Variants in HMCN1 observed in about 807,000 individuals in gnomAD.
The protein encoded by HMCN1 is hemicentin-1.
In HMCN1, 321 loss-of-function variants were observed where a neutral mutation model predicts 625.9. The observed-to-expected ratio is 0.51, with a 90% CI of 0.47 to 0.56. The LOEUF (loss-of-function observed/expected upper bound fraction) is 0.56, where lower values mean the gene tolerates loss of function less well. Among genes scored for constraint, HMCN1 ranks in the 20% least tolerant of loss-of-function variants. HMCN1 has a pLI of 0.00. For missense variants in HMCN1, 6,588 were observed against 6,887.3 expected (o/e 0.96, Z 1.54); for synonymous variants, 2,425 against 2,417.6 (o/e 1.00, Z -0.09).
intron 5 of HMCN1, among the ~76,000 whole-genome samples, chr1:185,910,698 G>A (rs149798382): frequency 0.02 from 3,101 of 151,738 alleles, 48 homozygotes; most frequent in Non-Finnish European, 0.029. Context: ...AGCCTCCTGA[G>A]TAGCAGGGAT....
At chr1:185,802,076 A>T (rs1658833540) in intron 1 of HMCN1, among the ~76,000 whole-genome samples, 1 of 152,088 alleles carries the variant, frequency 6.6e-6, no homozygotes, top group East Asian at 1.9e-4. Context: ...GGTTGAGGAG[A>T]TGAGAAAAAG....
chr1:186,055,626 G>A lies in HMCN1; in HGVS notation c.7096G>A (p.Val2366Met), dbSNP rs1657264297. 6.2e-7 allele frequency: 1 copy of A among 1,612,732 alleles called. No homozygotes were observed. Among genetic ancestry groups the A allele is most frequent in the South Asian group, 1.1e-5 (1 of 91,062 alleles). Reference protein sequence around the residue: ...SDTGRYVCVAVNVAGMTDKKY... With the variant: ...SDTGRYVCVAMNVAGMTDKKY... ...CACAGGCCGTTATGTGTGTGTTGCT[G>A]TGAATGTAGCAGGAATGACTGACAA... Residue 2366 changes from valine to methionine, a missense_variant, in exon 45 of 107, where the codon GTG becomes ATG. By Grantham distance (21) the Val-to-Met change is conservative. Coordinates refer to ENST00000271588, the MANE Select transcript of HMCN1 (RefSeq NM_031935.3).
chr1:185,934,195 A>C (rs1435606192), intron 11 of HMCN1, among the ~76,000 whole-genome samples: 1 of 152,176 alleles, frequency 6.6e-6, no homozygotes, highest in African/African-American at 2.4e-5. Flanking sequence ...CAATTTAAGT[A>C]CTGTATTTTT....
rs1472161616 is a variant in HMCN1 at position 186,090,908 on chromosome 1, A to G, written c.9878A>G (p.Glu3293Gly). Reference protein sequence around the residue: ...DGKPIASGETERIRVSANGST... With the variant: ...DGKPIASGETGRIRVSANGST... ...AAGCCCATAGCTAGTGGTGAAACAG[A>G]AAGAATCCGGTATGTTTAAAAATAA... The change falls in exon 64 of 107, where the codon GAA (glutamate) becomes GGA (glycine). Residue 3293 changes from glutamate (E) to glycine (G), a missense_variant. Transcript: ENST00000271588. The G allele has an allele frequency of 5.6e-6, 9 of 1,612,040 alleles. No individual in the cohort carries two copies. Among genetic ancestry groups the G allele is most frequent in the Middle Eastern group, 1.7e-4 (1 of 6,046 alleles).
chr1:186,117,607 T>C lies in HMCN1; in HGVS notation c.11832T>C (p.Tyr3944=). 6.2e-7 allele frequency: 1 copy of C among 1,613,800 alleles called. No individual in the cohort carries two copies. Among genetic ancestry groups the C allele is most frequent in the Non-Finnish European group, 8.5e-7 (1 of 1,179,736 alleles). Residue 3944 remains tyrosine, a synonymous_variant, in exon 77 of 107, where the codon TAT becomes TAC. Transcript: ENST00000271588. ...GACTGCTTCCCAGGGGAGATGGCTA[T>C]AGAATTCTGTCCTCAGGTAAGACCA... is the stretch of plus-strand genomic sequence containing the variant. ...GIRLLPRGDG[Y]RILSSGAIEI...
chr1:185,908,832 T>C (rs937188656), intron 4 of HMCN1, among the ~76,000 whole-genome samples: 4 of 148,552 alleles, frequency 2.7e-5, no homozygotes, highest in Non-Finnish European at 4.5e-5. Context: ...TATTATAATA[T>C]ACTATATATA....
At chr1:185,782,029 C>G (rs903517032) in intron 1 of HMCN1, among the ~76,000 whole-genome samples, 22 of 152,140 alleles carry the variant, frequency 1.4e-4, no homozygotes, top group African/African-American at 5.3e-4. Context: ...TCTGGGTGCT[C>G]ATGTATTGGG....
At chr1:185,858,094 A>G (rs1662585131) in intron 2 of HMCN1, among the ~76,000 whole-genome samples, 1 of 152,162 alleles carries the variant, frequency 6.6e-6, no homozygotes, top group Non-Finnish European at 1.5e-5. Context: ...TGACCCTGAG[A>G]AAGGATTTTC....
At chr1:185,856,579 A>T (rs1191133510) in intron 2 of HMCN1, among the ~76,000 whole-genome samples, 1 of 152,078 alleles carries the variant, frequency 6.6e-6, no homozygotes, top group Admixed American at 6.5e-5. Context: ...TTACACAAAT[A>T]AGACATTTCA....
chr1:186,112,396 T>C (rs1660931081), intron 71 of HMCN1, among the ~76,000 whole-genome samples: 1 of 152,232 alleles, frequency 6.6e-6, no homozygotes, highest in Non-Finnish European at 1.5e-5. Context: ...CTGAATGAAC[T>C]CTATTTGCAT....
chr1:186,159,859 C>G (rs551173482), intron 97 of HMCN1, among the ~76,000 whole-genome samples: 42 of 152,314 alleles, frequency 2.8e-4, no homozygotes, highest in African/African-American at 9.9e-4. Context: ...CAATGTTCAT[C>G]AAGGATATTG....
chr1:185,982,216 T>C (rs532864790), intron 17 of HMCN1, 46 bp from the exon 18 acceptor site: 2 of 1,608,424 alleles, frequency 1.2e-6, no homozygotes, highest in African/African-American at 1.3e-5. Context: ...TACCTTTCTT[T>C]TGGGTGAAAT....
intron 11 of HMCN1, among the ~76,000 whole-genome samples, chr1:185,952,713 A>G (rs58610258): frequency 0.12 from 18,862 of 151,548 alleles, 3,480 homozygotes; most frequent in African/African-American, 0.39. Context: ...GAGTTGAAGA[A>G]GTTTTAAGTT....
intron 68 of HMCN1, among the ~76,000 whole-genome samples, chr1:186,096,181 C>T (rs971519330): frequency 1.3e-5 from 2 of 152,098 alleles, no homozygotes; most frequent in Admixed American, 1.3e-4. Context: ...AGAAAATACA[C>T]CCTATAGAGA....
intron 97 of HMCN1, among the ~76,000 whole-genome samples, chr1:186,158,335 T>C (rs1029645736): frequency 2.6e-5 from 4 of 151,654 alleles, no homozygotes; most frequent in African/African-American, 7.3e-5. Flanking sequence ...TTCTGGATAT[T>C]AGCCCATTGT....
At chr1:186,010,358 G>C (rs1653920835) in intron 30 of HMCN1, among the ~76,000 whole-genome samples, 1 of 152,150 alleles carries the variant, frequency 6.6e-6, no homozygotes, top group Non-Finnish European at 1.5e-5. Flanking sequence ...AATGGAAGAG[G>C]AAGTGAAATA....
At chr1:185,983,000 A>G (rs557308191) in intron 18 of HMCN1, among the ~76,000 whole-genome samples, 1 of 152,062 alleles carries the variant, frequency 6.6e-6, no homozygotes, top group Non-Finnish European at 1.5e-5. Context: ...TGTTATTTTC[A>G]TAGTACTTAA....
chr1:186,164,395 A>G (rs1014236600), intron 97 of HMCN1, among the ~76,000 whole-genome samples: 3 of 151,700 alleles, frequency 2.0e-5, no homozygotes, highest in African/African-American at 7.3e-5. Context: ...ACCTGCCACC[A>G]CACCTGGCTA....
rs1315586673 is a variant in HMCN1 at position 185,909,444 on chromosome 1, C to A, written c.729C>A (p.Ser243Arg). Residue 243 changes from serine (S) to arginine (R), a missense_variant, in exon 5 of 107, where the codon AGC (serine) becomes AGA (arginine). Ser to Arg is a moderately radical substitution (Grantham distance 110). Transcript: ENST00000271588. Reference sequence around the variant, plus strand: ...CTTGGAGAATTCCTTTTGATCCCAGCCTGAAAGAGGTCACTGTGTCTTTGA... The same window carrying A: ...CTTGGAGAATTCCTTTTGATCCCAGACTGAAAGAGGTCACTGTGTCTTTGA... ...VNTWRIPFDP[S>R]LKEVTVSLSG... 6.2e-7 allele frequency: 1 copy of A among 1,613,410 alleles called. No homozygotes were observed. Among genetic ancestry groups the A allele is most frequent in the Non-Finnish European group, 8.5e-7 (1 of 1,179,636 alleles).
Sources: gnomAD v4.1 joint callset for allele counts (sites outside exome capture counted in the v4.1 genomes callset) on GRCh38, gnomAD v4.1.1 for gene constraint, MANE v1.5 for transcripts, NCBI Gene and HGNC (gene_info 2026-07-23, HGNC 2026-07-21) for gene names.